Variants in SYT10 observed in about 807,000 individuals in gnomAD.
SYT10 encodes the protein synaptotagmin-10.
In SYT10, 31 loss-of-function variants were observed where a neutral mutation model predicts 51.1. That is an observed-to-expected ratio of 0.61 (90% confidence interval 0.46 to 0.82). SYT10 has a LOEUF of 0.82. SYT10 is among the 40% of genes least tolerant of loss of function. The probability of loss-of-function intolerance (pLI) is 0.00; values close to 1 mark genes in which losing one functional copy is unlikely to be tolerated. For missense variants in SYT10, 603 were observed against 634.0 expected (o/e 0.95, Z 0.53); for synonymous variants, 233 against 225.9 (o/e 1.03, Z -0.28).
At chr12:33,416,031 A>T (rs1866450124) in intron 2 of SYT10, among the ~76,000 whole-genome samples, 2 of 149,686 alleles carry the variant, frequency 1.3e-5, no homozygotes, top group South Asian at 4.2e-4. Flanking sequence ...CCAGCTTGCC[A>T]GTGAAGTAAC....
intron 3 of SYT10, among the ~76,000 whole-genome samples, chr12:33,397,689 G>A (rs1214508800): frequency 6.6e-6 from 1 of 151,984 alleles, no homozygotes; most frequent in African/African-American, 2.4e-5. Context: ...AGGGAACAGA[G>A]GGAACAAAGT....
intron 2 of SYT10, among the ~76,000 whole-genome samples, chr12:33,421,206 C>T (rs535598944): frequency 6.6e-5 from 10 of 152,228 alleles, no homozygotes; most frequent in South Asian, 2.1e-4. Context: ...TTAAGCATTA[C>T]GCTTCTAATC....
intron 2 of SYT10, among the ~76,000 whole-genome samples, chr12:33,414,990 T>C (rs1866440785): frequency 6.6e-6 from 1 of 152,192 alleles, no homozygotes; most frequent in Admixed American, 6.5e-5. Context: ...CTGCTCTGGT[T>C]GACATGTGGT....
chr12:33,436,052 T>C (rs1321306211), intron 1 of SYT10, among the ~76,000 whole-genome samples: 1 of 152,172 alleles, frequency 6.6e-6, no homozygotes, highest in Non-Finnish European at 1.5e-5. Context: ...ACAATTGTGA[T>C]GTGAGCTCAA....
At chr12:33,394,540 ATAAC>A (rs1866237530) in intron 3 of SYT10, among the ~76,000 whole-genome samples, 1 of 152,248 alleles carries the variant, frequency 6.6e-6, no homozygotes, top group Non-Finnish European at 1.5e-5. Context: ...CATGTCAGGG[ATAAC>A]TGACAATTAG....
intron 2 of SYT10, among the ~76,000 whole-genome samples, chr12:33,412,258 A>T (rs1866413276): frequency 1.3e-5 from 2 of 152,172 alleles, no homozygotes; most frequent in African/African-American, 4.8e-5. Flanking sequence ...AAAAAGTAGT[A>T]ACATTTTTGT....
intron 3 of SYT10, among the ~76,000 whole-genome samples, chr12:33,393,046 C>G (rs762962717): frequency 3.5e-5 from 5 of 143,636 alleles, no homozygotes; most frequent in African/African-American, 1.1e-4. Context: ...TTGCACCATC[C>G]TCATAGATGC....
intron 2 of SYT10, among the ~76,000 whole-genome samples, chr12:33,422,063 T>C (rs1355827632): frequency 6.6e-6 from 1 of 151,684 alleles, no homozygotes; most frequent in Admixed American, 6.6e-5. Flanking sequence ...TACAGTGCTT[T>C]GTTAAGGCAT....
At chr12:33,434,832 A>C (rs1866625252) in intron 1 of SYT10, among the ~76,000 whole-genome samples, 1 of 152,194 alleles carries the variant, frequency 6.6e-6, no homozygotes, top group South Asian at 2.1e-4. Context: ...AATAGTAAAT[A>C]AATAAAGTAG....
chr12:33,397,238 A>C (rs1866264208), intron 3 of SYT10, among the ~76,000 whole-genome samples: 1 of 152,162 alleles, frequency 6.6e-6, no homozygotes, highest in African/African-American at 2.4e-5. Context: ...AATCAGAGTA[A>C]TTCCAGAGGG....
At chr12:33,411,633 G>A (rs1866405882) in intron 2 of SYT10, among the ~76,000 whole-genome samples, 1 of 152,066 alleles carries the variant, frequency 6.6e-6, no homozygotes, top group African/African-American at 2.4e-5. Flanking sequence ...TTTATCTCAG[G>A]TGAGAGAATT....
intron 1 of SYT10, among the ~76,000 whole-genome samples, chr12:33,438,949 G>A (rs909805311): frequency 7.2e-5 from 11 of 152,240 alleles, no homozygotes; most frequent in Non-Finnish European, 1.5e-4. Flanking sequence ...CGGGACCAGC[G>A]GCCGGTGGAA....
chr12:33,388,535 A>G (rs1866177598), intron 3 of SYT10, among the ~76,000 whole-genome samples: 1 of 152,222 alleles, frequency 6.6e-6, no homozygotes. Context: ...AAAGCCTGTT[A>G]TAAAGTCTAG....
chr12:33,409,225 C>CT (rs200944559), intron 2 of SYT10, among the ~76,000 whole-genome samples: 2 of 151,882 alleles, frequency 1.3e-5, no homozygotes, highest in African/African-American at 2.4e-5. Context: ...AGCTCGATTT[C>CT]TTTTTTTTCG....
rs1184654135 is a variant in SYT10 at position 33,385,200 on chromosome 12, A to G, written c.1169T>C (p.Leu390Pro). The G allele has an allele frequency of 6.2e-7, 1 of 1,613,754 alleles. No individual in the cohort carries two copies. Among genetic ancestry groups the G allele is most frequent in the Non-Finnish European group, 8.5e-7 (1 of 1,179,766 alleles). The stretch of plus-strand genomic sequence containing the variant: ...TGAGCCAGTAATATCCATCGCCTTC[A>G]GATTTCTGCACTTAATGACTGTCAA... ...MTLTVIKCRN[L>P]KAMDITGSSD... is the part of the protein sequence containing the mutation. The change falls in exon 4 of 7, where the codon CTG becomes CCG. Residue 390 changes from leucine (L) to proline (P), a missense_variant. Leu to Pro is a moderately conservative substitution (Grantham distance 98, BLOSUM62 -3). Coordinates refer to ENST00000228567, the MANE Select transcript of SYT10 (RefSeq NM_198992.4).
At chr12:33,418,564 CCTCT>C (rs1294489471) in intron 2 of SYT10, among the ~76,000 whole-genome samples, 1 of 152,136 alleles carries the variant, frequency 6.6e-6, no homozygotes, top group South Asian at 2.1e-4. Flanking sequence ...CCTCTTCTTG[CCTCT>C]CTAACTCACT....
In SYT10 at chr12:33,439,459, C is replaced by T. The variant is rs968453203; in HGVS notation, c.64G>A (p.Glu22Lys). ...LCQKALHIVT[E>K]LCFAGQVEWE... ...TCCACCTGGCCGGCGAAGCACAGCT[C>T]GGTGACGATGTGCAGAGCCTTCTGG... is the stretch of plus-strand genomic sequence containing the variant. The change falls in exon 1 of 7, where the codon GAG (glutamate) becomes AAG (lysine). Residue 22 changes from glutamate (E) to lysine (K), a missense_variant. Glu to Lys is a moderately conservative substitution (Grantham distance 56). Coordinates refer to ENST00000228567, the MANE Select transcript of SYT10 (RefSeq NM_198992.4). 3.7e-6 allele frequency: 6 copies of T among 1,614,124 alleles called. No individual in the cohort carries two copies. In the African/African-American group the frequency reaches 6.7e-5, roughly 18 times the overall value.
intron 2 of SYT10, among the ~76,000 whole-genome samples, chr12:33,413,746 C>A (rs1485399421): frequency 6.6e-6 from 1 of 152,144 alleles, no homozygotes; most frequent in African/African-American, 2.4e-5. Flanking sequence ...ATTGTGAAGA[C>A]CTTCAAGGCT....
intron 1 of SYT10, among the ~76,000 whole-genome samples, chr12:33,430,312 A>G (rs1456874529): frequency 6.6e-6 from 1 of 152,234 alleles, no homozygotes; most frequent in African/African-American, 2.4e-5. Context: ...GAAAAAGATC[A>G]CTGTCATCAG....
Sources: allele counts gnomAD v4.1 joint callset (sites outside exome capture counted in the v4.1 genomes callset), GRCh38; gene constraint gnomAD v4.1.1; transcripts MANE v1.5; gene names NCBI Gene and HGNC (gene_info 2026-07-23, HGNC 2026-07-21).